The following ARHGEF6 variants were observed in gnomAD, a reference collection of about 807,000 sequenced individuals.
ARHGEF6 encodes the protein rho guanine nucleotide exchange factor 6.
In ARHGEF6, 9 loss-of-function variants were observed where a neutral mutation model predicts 70.3. That is an observed-to-expected ratio of 0.13 (90% CI 0.08 to 0.22). The LOEUF (loss-of-function observed/expected upper bound fraction) is 0.22, where lower values mean the gene tolerates loss of function less well. Ranked by LOEUF, ARHGEF6 falls within the 10% of genes least tolerant of loss-of-function variation. ARHGEF6 has a pLI of 1.00. For synonymous variants in ARHGEF6, 201 were observed against 207.8 expected (o/e 0.97, Z 0.28); for missense variants, 470 against 563.0 (o/e 0.83, Z 1.67).
chrX:136,773,673 T>C (rs2077379967), intron 2 of ARHGEF6, among the ~76,000 whole-genome samples: 1 of 112,288 alleles, frequency 8.9e-6, no homozygotes, highest in African/African-American at 3.2e-5. Context: ...CTTGGATGTA[T>C]TATCTCATTT....
chrX:136,667,950 G>A lies in ARHGEF6; in HGVS notation c.*79C>T, dbSNP rs1018603450. 4.3e-6 allele frequency: 5 copies of A among 1,155,229 alleles called. No individual in the cohort carries two copies. The African/African-American group carries it at 7.2e-5, about 17-fold the overall frequency. Reference sequence around the variant, plus strand: ...AACACAAAACAAAAGCCAAAGAAGTGAGCAAACTGAGTCAAATCATTCAGC... The same window carrying A: ...AACACAAAACAAAAGCCAAAGAAGTAAGCAAACTGAGTCAAATCATTCAGC... On this transcript the variant is annotated 3_prime_UTR_variant, in exon 22 of 22. Coordinates refer to ENST00000250617, the MANE Select transcript of ARHGEF6 (RefSeq NM_004840.3).
rs1004584211 is a variant in ARHGEF6 at position 136,725,553 on chromosome X, A to G, written c.732+6549T>C. On this transcript the variant is annotated intron_variant, in intron 6 of 21. Coordinates refer to ENST00000250617, the MANE Select transcript of ARHGEF6 (RefSeq NM_004840.3). ...TTCTGAGACTGGTTCTTTATTTTTC[A>G]GGCCACAGGGCATCTAATGTAAAAG... 7.2e-5 allele frequency among the ~76,000 whole-genome samples: 8 copies of G among 111,349 alleles called. No individual in the cohort carries two copies. In the East Asian group the frequency reaches 2.3e-3, roughly 31 times the overall value.
At chrX:136,712,719 A>C (rs2076699523) in intron 7 of ARHGEF6, among the ~76,000 whole-genome samples, 1 of 112,658 alleles carries the variant, frequency 8.9e-6, no homozygotes, top group Non-Finnish European at 1.9e-5. Context: ...GGCTTTACAC[A>C]ATCACTTCAG....
intron 2 of ARHGEF6, among the ~76,000 whole-genome samples, chrX:136,755,026 C>T (rs1041528264): frequency 8.9e-5 from 10 of 112,235 alleles, no homozygotes; most frequent in Middle Eastern, 4.6e-3. Flanking sequence ...AACAGCATCA[C>T]ACCTGCCACT....
At chrX:136,759,516 G>C (rs2077244318) in intron 2 of ARHGEF6, among the ~76,000 whole-genome samples, 1 of 109,840 alleles carries the variant, frequency 9.1e-6, no homozygotes, top group South Asian at 3.9e-4. Context: ...TGTAATCCCA[G>C]CTACTTGGGA....
chrX:136,675,197 G>A, intron 18 of ARHGEF6, 101 bp from the exon 19 acceptor site: 2 of 718,185 alleles, frequency 2.8e-6, no homozygotes, highest in Non-Finnish European at 4.3e-6. Flanking sequence ...TCTCTGACCA[G>A]TAGAGTTTGT....
chrX:136,745,006 G>A (rs192351549), intron 4 of ARHGEF6, among the ~76,000 whole-genome samples: 2 of 111,623 alleles, frequency 1.8e-5, no homozygotes, highest in African/African-American at 6.5e-5. Context: ...TCTCGTAAGG[G>A]ACAGAGCTGG....
intron 9 of ARHGEF6, among the ~76,000 whole-genome samples, chrX:136,692,670 C>A (rs747432675): frequency 8.9e-6 from 1 of 112,211 alleles, no homozygotes; most frequent in South Asian, 3.7e-4. Flanking sequence ...GTGTTCTCCC[C>A]ATTTTACAGA....
chrX:136,690,394 T>C (rs1001234849), intron 10 of ARHGEF6, among the ~76,000 whole-genome samples: 7 of 110,839 alleles, frequency 6.3e-5, no homozygotes, highest in African/African-American at 2.3e-4. Flanking sequence ...AAAGGGAGAA[T>C]GATCATTAAT....
At chrX:136,671,551 T>C (rs1380143161) in intron 20 of ARHGEF6, among the ~76,000 whole-genome samples, 1 of 112,414 alleles carries the variant, frequency 8.9e-6, no homozygotes, top group African/African-American at 3.2e-5. Context: ...AGTTTCTTTA[T>C]CTGTGAAAGT....
chrX:136,751,665 G>A (rs781651394), intron 2 of ARHGEF6, among the ~76,000 whole-genome samples: 1 of 111,050 alleles, frequency 9.0e-6, no homozygotes, highest in African/African-American at 3.3e-5. Flanking sequence ...GCCCCAGAGA[G>A]CTACCTTGTC....
At chrX:136,753,192 G>T (rs1398630707) in intron 2 of ARHGEF6, among the ~76,000 whole-genome samples, 1 of 112,344 alleles carries the variant, frequency 8.9e-6, no homozygotes, top group Non-Finnish European at 1.9e-5. Context: ...GTTCCTATTT[G>T]ATATGGACCA....
chrX:136,732,190 A>C lies in ARHGEF6; in HGVS notation c.662-18T>G. ...AGGTCTCTCTGTGAAAAAAACATTT[A>C]AATTATGTTAATATCACAGAAGGCT... On this transcript the variant is annotated intron_variant, in intron 5 of 21. Transcript: ENST00000250617. 1 of 1,143,128 alleles carries C rather than the reference A, an allele frequency of 8.7e-7. No homozygotes were observed. 94.2% of individuals were successfully genotyped at this position (1,143,128 alleles called of 1,213,427 possible).
chrX:136,674,154 T>C (rs1031809997), intron 19 of ARHGEF6, among the ~76,000 whole-genome samples: 1 of 112,537 alleles, frequency 8.9e-6, no homozygotes, highest in African/African-American at 3.2e-5. Context: ...GCGTGAGCCA[T>C]CATGCCCAGT....
chrX:136,779,023 G>T (rs942200679), intron 2 of ARHGEF6, among the ~76,000 whole-genome samples: 1 of 111,585 alleles, frequency 9.0e-6, no homozygotes, highest in East Asian at 2.8e-4. Context: ...CTGTTCTAAA[G>T]TGTTAATGGG....
At chrX:136,682,705 AAACCTGTTTT>A (rs2076344445) in intron 13 of ARHGEF6, 43 bp downstream of exon 13, 3 of 1,012,323 alleles carry the variant, frequency 3.0e-6, no homozygotes, top group Non-Finnish European at 4.2e-6. Flanking sequence ...ATCTGGATGG[AAACCTGTTTT>A]CGTTAGGGGG....
rs1264531084 is a variant in ARHGEF6 at position 136,667,987 on chromosome X, A to C, written c.*42T>G. The C allele has an allele frequency of 8.3e-7, 1 of 1,207,995 alleles. No homozygotes were observed. Among genetic ancestry groups the C allele is most frequent in the East Asian group, 3.0e-5 (1 of 33,829 alleles). On this transcript the variant is annotated 3_prime_UTR_variant, in exon 22 of 22. Coordinates refer to ENST00000250617, the MANE Select transcript of ARHGEF6 (RefSeq NM_004840.3). ...TCAAATCATTCAGCGGGACATTTCA[A>C]GATGCCCTGAAGGCACACTCCACCC... is the stretch of plus-strand genomic sequence containing the variant.
At chrX:136,692,885 T>C (rs1298483046) in intron 9 of ARHGEF6, among the ~76,000 whole-genome samples, 2 of 112,093 alleles carry the variant, frequency 1.8e-5, no homozygotes, top group East Asian at 5.5e-4. Flanking sequence ...CTTTAAAAAC[T>C]ACCAGTACCT....
chrX:136,682,851 G>A lies in ARHGEF6; in HGVS notation c.1393-7C>T. 1 of 1,184,652 alleles carries A rather than the reference G, an allele frequency of 8.4e-7. No homozygotes were observed. The highest frequency in any genetic ancestry group is 2.2e-5 in the Admixed American group (1 of 46,012). On this transcript the variant is annotated splice_region_variant and splice_polypyrimidine_tract_variant and intron_variant, in intron 12 of 21. Transcript: ENST00000250617. ...GGTACCGCTCCTCTTTTTCCTGAGAGGGAATGAAAATAATACATGAAGAAC... is the reference window on the plus strand; with the variant it reads ...GGTACCGCTCCTCTTTTTCCTGAGAAGGAATGAAAATAATACATGAAGAAC...
Sources: gnomAD v4.1 joint callset for allele counts (sites outside exome capture counted in the v4.1 genomes callset) on GRCh38, gnomAD v4.1.1 for gene constraint, MANE v1.5 for transcripts, NCBI Gene and HGNC (gene_info 2026-07-23, HGNC 2026-07-21) for gene names.